Variants in THSD7A observed in about 807,000 individuals in gnomAD.
THSD7A encodes thrombospondin type-1 domain-containing protein 7A.
Under a neutral mutation model 231.3 loss-of-function variants are expected in THSD7A, and 96 were observed. That is an observed-to-expected ratio of 0.41 (90% CI 0.35 to 0.49). The LOEUF is 0.49. THSD7A is among the 20% of genes least tolerant of loss of function. The pLI is 0.05. For missense variants in THSD7A, 2,290 were observed against 2,070.2 expected, an observed-to-expected ratio of 1.11 and a Z score of -2.06; for synonymous variants, 940 against 743.3, an observed-to-expected ratio of 1.26 and a Z score of -4.30.
At chr7:11,793,164 C>T (rs547426773) in intron 1 of THSD7A, among the ~76,000 whole-genome samples, 1 of 151,404 alleles carries the variant, frequency 6.6e-6, no homozygotes, top group Non-Finnish European at 1.5e-5. Context: ...GATGAAAAGA[C>T]AATTAAAAGG....
At chr7:11,620,388 T>G (rs935750536) in intron 2 of THSD7A, among the ~76,000 whole-genome samples, 1 of 152,194 alleles carries the variant, frequency 6.6e-6, no homozygotes, top group East Asian at 1.9e-4. Context: ...GTATCATTCA[T>G]TTTTCACTAA....
rs759652240 is a variant in THSD7A, at chr7:11,417,447, C to T, written c.3537+3G>A. On this transcript the variant is annotated splice_donor_region_variant and intron_variant, in intron 17 of 27. Coordinates refer to ENST00000423059, the MANE Select transcript of THSD7A (RefSeq NM_015204.3). ...ACATTAATAAAAAGGTTAATCATCT[C>T]ACCAAAACACATTGGGTCCATGGAC... 6.3e-7 allele frequency: 1 copy of T among 1,585,768 alleles called. No individual in the cohort carries two copies. Among genetic ancestry groups the T allele is most frequent in the South Asian group, 1.2e-5 (1 of 85,488 alleles).
chr7:11,678,900 G>T lies in THSD7A; in HGVS notation c.191-41939C>A, dbSNP rs545841578. Among the ~76,000 whole-genome samples the T allele has an allele frequency of 9.2e-5, 14 of 152,252 alleles. No individual in the cohort carries two copies. In the East Asian group the frequency reaches 2.3e-3, roughly 25 times the overall value. On this transcript the variant is annotated intron_variant, in intron 1 of 27. Transcript: ENST00000423059. Reference sequence around the variant, plus strand: ...ACCTGGCAGAGTCATAACAGGAAAAGAAAATTTCAGGCCAATATCCCTAAT... The same window carrying T: ...ACCTGGCAGAGTCATAACAGGAAAATAAAATTTCAGGCCAATATCCCTAAT...
At chr7:11,496,544 G>C (rs937047407) in intron 6 of THSD7A, among the ~76,000 whole-genome samples, 34 of 152,194 alleles carry the variant, frequency 2.2e-4, no homozygotes, top group African/African-American at 8.0e-4. Flanking sequence ...TCATGTATGA[G>C]GCCAAATTAT....
At chr7:11,616,867 G>A (rs113918291) in intron 2 of THSD7A, among the ~76,000 whole-genome samples, 1 of 152,220 alleles carries the variant, frequency 6.6e-6, no homozygotes, top group African/African-American at 2.4e-5. Context: ...GTAACTGTGA[G>A]GCTGTTAATC....
intron 2 of THSD7A, among the ~76,000 whole-genome samples, chr7:11,613,491 G>T (rs1424930808): frequency 6.6e-6 from 1 of 152,134 alleles, no homozygotes; most frequent in East Asian, 1.9e-4. Flanking sequence ...GTTGTGCAGA[G>T]TCATATCTTT....
intron 4 of THSD7A, among the ~76,000 whole-genome samples, chr7:11,553,357 C>T (rs75542153): frequency 0.021 from 3,219 of 152,136 alleles, 49 homozygotes; most frequent in Non-Finnish European, 0.03. Context: ...AATCACAGAT[C>T]TTACCTGAGT....
intron 4 of THSD7A, among the ~76,000 whole-genome samples, chr7:11,545,517 G>A (rs2128324103): frequency 6.6e-6 from 1 of 152,246 alleles, no homozygotes; most frequent in African/African-American, 2.4e-5. Flanking sequence ...TCTTCAGAAG[G>A]ATGGCATTGA....
At chr7:11,476,917 G>A (rs1786213937) in intron 7 of THSD7A, among the ~76,000 whole-genome samples, 1 of 151,664 alleles carries the variant, frequency 6.6e-6, no homozygotes. Context: ...GAAATTAAAA[G>A]TATGATATAA....
chr7:11,638,231 C>T (rs889251583), intron 1 of THSD7A, among the ~76,000 whole-genome samples: 4 of 152,128 alleles, frequency 2.6e-5, no homozygotes, highest in African/African-American at 7.2e-5. Context: ...TCAATGGATT[C>T]GCTCTACGGA....
At chr7:11,792,063 T>A (rs1783968401) in intron 1 of THSD7A, among the ~76,000 whole-genome samples, 1 of 151,976 alleles carries the variant, frequency 6.6e-6, no homozygotes, top group African/African-American at 2.4e-5. Flanking sequence ...CCACTATGAA[T>A]GCAGTCATCC....
intron 6 of THSD7A, among the ~76,000 whole-genome samples, chr7:11,517,385 CATT>C (rs1443929078): frequency 4.6e-5 from 7 of 150,764 alleles, no homozygotes; most frequent in African/African-American, 1.7e-4. Flanking sequence ...GCCCCCATAT[CATT>C]ATTTTTAAAA....
At chr7:11,823,205 G>C (rs1784924042) in intron 1 of THSD7A, among the ~76,000 whole-genome samples, 1 of 151,912 alleles carries the variant, frequency 6.6e-6, no homozygotes, top group Admixed American at 6.6e-5. Flanking sequence ...TTTATTGAAA[G>C]GAGAGTTCTT....
intron 23 of THSD7A, among the ~76,000 whole-genome samples, chr7:11,394,837 C>T (rs1783120156): frequency 6.6e-6 from 1 of 152,010 alleles, no homozygotes; most frequent in South Asian, 2.1e-4. Context: ...CGGCCAGGGT[C>T]TGTGGGACAG....
At chr7:11,461,917 AAC>A in intron 10 of THSD7A, 92 bp downstream of exon 10, 1 of 1,469,420 alleles carries the variant, frequency 6.8e-7, no homozygotes, top group Non-Finnish European at 9.2e-7. Flanking sequence ...CTGTGGAAGG[AAC>A]AGTGTTGACT....
chr7:11,463,214 G>A (rs1467652595), intron 9 of THSD7A, among the ~76,000 whole-genome samples: 1 of 152,142 alleles, frequency 6.6e-6, no homozygotes, highest in African/African-American at 2.4e-5. Context: ...ATGATTTGAT[G>A]ATTAGAACAT....
chr7:11,693,338 T>A (rs1780291771), intron 1 of THSD7A, among the ~76,000 whole-genome samples: 2 of 151,556 alleles, frequency 1.3e-5, no homozygotes. Context: ...AAGTATATCA[T>A]TTTATACTTC....
At chr7:11,605,922 A>T (rs1458897735) in intron 2 of THSD7A, among the ~76,000 whole-genome samples, 4 of 152,130 alleles carry the variant, frequency 2.6e-5, no homozygotes, top group Non-Finnish European at 4.4e-5. Context: ...TCAGAATCTA[A>T]GCCCAGCTCC....
At chr7:11,505,041 C>T (rs1033503480) in intron 6 of THSD7A, among the ~76,000 whole-genome samples, 2 of 152,138 alleles carry the variant, frequency 1.3e-5, no homozygotes, top group South Asian at 2.1e-4. Context: ...GATTGTCAAA[C>T]TTAACTTCAG....
Sources: gnomAD v4.1 joint callset for allele counts (sites outside exome capture counted in the v4.1 genomes callset) on GRCh38, gnomAD v4.1.1 for gene constraint, MANE v1.5 for transcripts, NCBI Gene and HGNC (gene_info 2026-07-23, HGNC 2026-07-21) for gene names.